CAV1: variants seen among roughly 807,000 people sequenced by gnomAD.
CAV1 encodes the protein caveolin 1.
A neutral mutation model predicts 16.5 loss-of-function variants in CAV1; 10 were observed. The ratio of observed to expected loss-of-function variants is 0.61; its 90% CI spans 0.37 to 1.03. CAV1 has a LOEUF of 1.03. CAV1 is among the 50% of genes least tolerant of loss of function. The pLI, the probability that CAV1 is intolerant of heterozygous loss-of-function variation, is 0.01. For synonymous variants in CAV1, 76 were observed against 85.1 expected, an observed-to-expected ratio of 0.89 and a Z score of 0.59; for missense variants, 212 against 232.8, an observed-to-expected ratio of 0.91 and a Z score of 0.58.
At chr7:116,557,361 T>C (rs1794312188) in intron 2 of CAV1, among the ~76,000 whole-genome samples, 1 of 152,198 alleles carries the variant, frequency 6.6e-6, no homozygotes, top group African/African-American at 2.4e-5. Flanking sequence ...CGTGGAGTCA[T>C]GGCAGTCCTC....
intron 2 of CAV1, among the ~76,000 whole-genome samples, chr7:116,533,496 T>C (rs1399421625): frequency 6.6e-6 from 1 of 152,220 alleles, no homozygotes; most frequent in Non-Finnish European, 1.5e-5. Context: ...AGACAAAATC[T>C]TGCTCTGTTG....
chr7:116,529,030 A>AT (rs1793630413), intron 2 of CAV1, among the ~76,000 whole-genome samples: 1 of 152,102 alleles, frequency 6.6e-6, no homozygotes, highest in African/African-American at 2.4e-5. Flanking sequence ...GGGTTTCACC[A>AT]TGTTGGCCAG....
At chr7:116,550,999 A>G (rs1794149181) in intron 2 of CAV1, among the ~76,000 whole-genome samples, 1 of 152,224 alleles carries the variant, frequency 6.6e-6, no homozygotes, top group Admixed American at 6.5e-5. Flanking sequence ...AGCAGGGAAC[A>G]AACTAGGGCT....
intron 2 of CAV1, among the ~76,000 whole-genome samples, chr7:116,557,017 T>C (rs1180086600): frequency 1.3e-5 from 2 of 152,178 alleles, no homozygotes; most frequent in Admixed American, 1.3e-4. Context: ...CACAAACCCA[T>C]AATAGACAAA....
rs1182797262 is a variant in CAV1, at chr7:116,544,363, A to G, written c.196-14583A>G. Among the ~76,000 whole-genome samples, 4 of 152,332 alleles carry G rather than the reference A, an allele frequency of 2.6e-5. No individual in the cohort carries two copies. The East Asian group carries it at 5.8e-4, about 22-fold the overall frequency. ...AAAATATAACTTAGTAAATAGCAGT[A>G]TTCACTAATTCATTCATTTATTCAA... On this transcript the variant is annotated intron_variant, in intron 2 of 2. Coordinates refer to ENST00000341049, the MANE Select transcript of CAV1 (RefSeq NM_001753.5).
chr7:116,553,007 A>G (rs912059769), intron 2 of CAV1, among the ~76,000 whole-genome samples: 6 of 152,230 alleles, frequency 3.9e-5, no homozygotes, highest in East Asian at 3.8e-4. Context: ...TATGTGTTCT[A>G]TATATCCAGT....
intron 2 of CAV1, among the ~76,000 whole-genome samples, chr7:116,530,007 A>G (rs908458632): frequency 1.2e-4 from 18 of 152,346 alleles, no homozygotes; most frequent in African/African-American, 3.8e-4. Flanking sequence ...AAAATTAGCC[A>G]TCAATTAATT....
chr7:116,537,705 G>T (rs1454217941), intron 2 of CAV1, among the ~76,000 whole-genome samples: 2 of 152,190 alleles, frequency 1.3e-5, no homozygotes, highest in Admixed American at 1.3e-4. Flanking sequence ...AGCTTATGGT[G>T]ATTCCAGACA....
intron 2 of CAV1, 141 bp downstream of exon 2, chr7:116,526,830 G>A (rs1457004505): frequency 6.9e-6 from 7 of 1,010,280 alleles, no homozygotes; most frequent in Middle Eastern, 2.1e-4. Context: ...ACAGAGTTTT[G>A]TGGGTTTGAT....
chr7:116,526,594 G>A lies in CAV1; in HGVS notation c.100G>A (p.Asp34Asn). 1 of 1,614,186 alleles carries A rather than the reference G, an allele frequency of 6.2e-7. No individual in the cohort carries two copies. Among genetic ancestry groups the A allele is most frequent in the Non-Finnish European group, 8.5e-7 (1 of 1,180,040 alleles). Residue 34 changes from aspartate (D) to asparagine (N), a missense_variant, in exon 2 of 3, where the codon GAC becomes AAC. Coordinates refer to ENST00000341049, the MANE Select transcript of CAV1 (RefSeq NM_001753.5). ...CAAGCCCAACAACAAGGCCATGGCA[G>A]ACGAGCTGAGCGAGAAGCAAGTGTA... ...IYKPNNKAMA[D>N]ELSEKQVYDA...
intron 2 of CAV1, among the ~76,000 whole-genome samples, chr7:116,554,246 A>G (rs1486121502): frequency 1.3e-5 from 2 of 152,250 alleles, no homozygotes; most frequent in Non-Finnish European, 2.9e-5. Flanking sequence ...TTCTGAATAC[A>G]TGTCAAAATA....
At chr7:116,548,766 C>G (rs1562835373) in intron 2 of CAV1, among the ~76,000 whole-genome samples, 1 of 152,170 alleles carries the variant, frequency 6.6e-6, no homozygotes. Context: ...CTCCCTGAGG[C>G]TCGGTCTCCT....
chr7:116,525,235 G>A (rs1473978339), intron 1 of CAV1, 143 bp downstream of exon 1: 1 of 1,610,850 alleles, frequency 6.2e-7, no homozygotes, highest in Non-Finnish European at 8.5e-7. Flanking sequence ...GCACCGCTGA[G>A]GAATGGGCCT....
chr7:116,557,172 C>T (rs1254672602), intron 2 of CAV1, among the ~76,000 whole-genome samples: 1 of 152,174 alleles, frequency 6.6e-6, no homozygotes, highest in African/African-American at 2.4e-5. Flanking sequence ...CTTAAGCTCA[C>T]TTACATAATT....
chr7:116,556,202 T>G (rs1008181496), intron 2 of CAV1, among the ~76,000 whole-genome samples: 3 of 152,234 alleles, frequency 2.0e-5, no homozygotes, highest in African/African-American at 7.2e-5. Flanking sequence ...TTTGAATTTA[T>G]GCTTAGAAAA....
Position 116,525,427 on chromosome 7 carries a change from G to A in CAV1, c.30+335G>A, listed in dbSNP as rs1318135247. 87 of 1,428,174 alleles carry A rather than the reference G, an allele frequency of 6.1e-5. 1 individual carries two copies. Among genetic ancestry groups the A allele is most frequent in the Non-Finnish European group, 7.7e-5 (83 of 1,078,450 alleles). The allele number at this position is 1,428,174 out of a possible 1,614,324, so 88.5% of individuals were successfully genotyped here. On this transcript the variant is annotated intron_variant, in intron 1 of 2. Coordinates refer to ENST00000341049, the MANE Select transcript of CAV1 (RefSeq NM_001753.5). The stretch of plus-strand genomic sequence containing the variant: ...TGCTCCCTTGTCGCGGGACCCCCGC[G>A]GTCCGGCCCTGCCTGCTGGGGGTTC...
chr7:116,557,323 A>G (rs1336854500), intron 2 of CAV1, among the ~76,000 whole-genome samples: 1 of 152,192 alleles, frequency 6.6e-6, no homozygotes, highest in African/African-American at 2.4e-5. Context: ...TGTTGAATCA[A>G]AGGTGGCTCT....
chr7:116,528,955 G>A (rs914596000), intron 2 of CAV1, among the ~76,000 whole-genome samples: 1 of 152,004 alleles, frequency 6.6e-6, no homozygotes, highest in South Asian at 2.1e-4. Context: ...TCAGCCTCCT[G>A]AGTAGCTGGG....
At chr7:116,541,327 G>A (rs1179022654) in intron 2 of CAV1, among the ~76,000 whole-genome samples, 1 of 152,058 alleles carries the variant, frequency 6.6e-6, no homozygotes, top group Non-Finnish European at 1.5e-5. Context: ...AAGGAAACAT[G>A]GAATGACAAT....
Sources: allele counts gnomAD v4.1 joint callset (sites outside exome capture counted in the v4.1 genomes callset), GRCh38; gene constraint gnomAD v4.1.1; transcripts MANE v1.5; gene names NCBI Gene and HGNC (gene_info 2026-07-23, HGNC 2026-07-21).